PPM1L: variants seen among roughly 807,000 people sequenced by gnomAD.
PPM1L encodes the protein protein phosphatase, Mg2+/Mn2+ dependent 1L.
A neutral mutation model predicts 31.4 loss-of-function variants in PPM1L; 13 were observed. The ratio of observed to expected loss-of-function variants is 0.41; its 90% confidence interval spans 0.27 to 0.66. The LOEUF (loss-of-function observed/expected upper bound fraction) is 0.66. PPM1L is among the 30% of genes least tolerant of loss of function. The pLI is 0.29. For missense variants in PPM1L, 326 were observed against 453.7 expected (o/e 0.72, Z 2.56); for synonymous variants, 184 against 175.4 (o/e 1.05, Z -0.39).
At chr3:161,065,696 G>T in intron 3 of PPM1L, 132 bp downstream of exon 3, 2 of 671,682 alleles carry the variant, frequency 3.0e-6, no homozygotes, top group Non-Finnish European at 4.7e-6. Flanking sequence ...AACTGAGATT[G>T]ACTTTGTAAC....
intron 1 of PPM1L, among the ~76,000 whole-genome samples, chr3:160,836,344 AAG>A (rs973804151): frequency 1.4e-5 from 2 of 145,652 alleles, no homozygotes; most frequent in African/African-American, 5.2e-5. Flanking sequence ...GAGAGAGAGA[AAG>A]AGAGAGAGAG....
At chr3:160,861,325 TGATA>T (rs2108021892) in intron 1 of PPM1L, among the ~76,000 whole-genome samples, 1 of 152,336 alleles carries the variant, frequency 6.6e-6, no homozygotes, top group African/African-American at 2.4e-5. Context: ...CTGAAGATAC[TGATA>T]GCTTTAACAT....
chr3:160,812,517 T>C (rs1261454075), intron 1 of PPM1L, among the ~76,000 whole-genome samples: 1 of 152,220 alleles, frequency 6.6e-6, no homozygotes, highest in Admixed American at 6.5e-5. Flanking sequence ...TAGTCTTCTT[T>C]GTGCTTGCTG....
chr3:160,756,637 A>G lies in PPM1L; in HGVS notation c.329A>G (p.Glu110Gly), dbSNP rs1714812675. 6.2e-7 allele frequency: 1 copy of G among 1,613,972 alleles called. No homozygotes were observed. The change falls in exon 1 of 4, where the codon GAA (glutamate) becomes GGA (glycine). Residue 110 changes from glutamate to glycine, a missense_variant. Physicochemically the swap from Glu to Gly is moderately conservative, Grantham distance 98 (BLOSUM62 -2). Coordinates refer to ENST00000498165, the MANE Select transcript of PPM1L (RefSeq NM_139245.4). The surrounding 1 kb of genome is among the most constrained non-coding windows in gnomAD (Gnocchi z 6.2). ...AGAGACCACATGGAGGACCGCTTCG[A>G]AGTTCTCACGGATCTGGCCAACAAG... ...GRRDHMEDRFEVLTDLANKTH... is the reference protein window; with the variant it reads ...GRRDHMEDRFGVLTDLANKTH...
chr3:161,043,734 A>G (rs1718974526), intron 2 of PPM1L, among the ~76,000 whole-genome samples: 1 of 152,208 alleles, frequency 6.6e-6, no homozygotes, highest in African/African-American at 2.4e-5. Flanking sequence ...TCACTTTGCT[A>G]ACACTGAAGA....
At chr3:160,839,050 T>C (rs1416358681) in intron 1 of PPM1L, among the ~76,000 whole-genome samples, 6 of 152,212 alleles carry the variant, frequency 3.9e-5, no homozygotes, top group Non-Finnish European at 8.8e-5. Context: ...ACTTGCCTTC[T>C]CACCATGAGA....
At chr3:160,765,096 A>G (rs1437938419) in intron 1 of PPM1L, among the ~76,000 whole-genome samples, 2 of 152,218 alleles carry the variant, frequency 1.3e-5, no homozygotes, top group Admixed American at 6.5e-5. Context: ...AGTACTTTAC[A>G]TATGTTATCT....
At chr3:160,824,102 G>A (rs927611989) in intron 1 of PPM1L, among the ~76,000 whole-genome samples, 1 of 152,116 alleles carries the variant, frequency 6.6e-6, no homozygotes, top group Non-Finnish European at 1.5e-5. Flanking sequence ...CCAAGGTCAC[G>A]GTATTTGGAG....
intron 1 of PPM1L, among the ~76,000 whole-genome samples, chr3:160,840,236 A>G (rs1713830685): frequency 6.6e-6 from 1 of 152,204 alleles, no homozygotes; most frequent in African/African-American, 2.4e-5. Context: ...TTAAGAATAC[A>G]ATGAAATTGA....
At chr3:160,788,954 G>A (rs1293625615) in intron 1 of PPM1L, among the ~76,000 whole-genome samples, 1 of 151,636 alleles carries the variant, frequency 6.6e-6, no homozygotes, top group Non-Finnish European at 1.5e-5. Context: ...AATGTTCTGG[G>A]CTATTTTAAT....
intron 1 of PPM1L, among the ~76,000 whole-genome samples, chr3:160,873,794 C>A (rs4679917): frequency 0.74 from 112,837 of 151,928 alleles, 42,282 homozygotes; most frequent in Middle Eastern, 0.82. Context: ...CAATTCACCC[C>A]CCTCAGCCTC....
At chr3:160,911,401 C>G (rs567947092) in intron 1 of PPM1L, among the ~76,000 whole-genome samples, 2 of 152,296 alleles carry the variant, frequency 1.3e-5, no homozygotes, top group East Asian at 1.9e-4. Context: ...GCAGAGAGTT[C>G]TGCAGAGCAG....
chr3:160,943,648 T>A lies in PPM1L; in HGVS notation c.400-18088T>A, dbSNP rs530287119. Among the ~76,000 whole-genome samples, 8 of 152,350 alleles carry A rather than the reference T, an allele frequency of 5.3e-5. No homozygotes were observed. The South Asian group carries it at 1.4e-3, about 28-fold the overall frequency. ...TTATATGTAAAATTTTGTTTTGTAC[T>A]GCTCTTGAAGGAAAGATTTCAAACA... On this transcript the variant is annotated intron_variant, in intron 1 of 3. Coordinates refer to ENST00000498165, the MANE Select transcript of PPM1L (RefSeq NM_139245.4).
At chr3:160,971,186 G>A (rs1346384716) in intron 2 of PPM1L, among the ~76,000 whole-genome samples, 2 of 152,164 alleles carry the variant, frequency 1.3e-5, no homozygotes, top group African/African-American at 4.8e-5. Flanking sequence ...TTTTGTCTAT[G>A]GTGGGACGTT....
At chr3:161,035,836 C>G (rs1325049716) in intron 2 of PPM1L, 3 of 152,198 alleles carry the variant, frequency 2.0e-5, no homozygotes, top group Admixed American at 1.3e-4. Context: ...TTTTGCAGTG[C>G]TTTTCAGCAT....
At chr3:160,895,424 C>A (rs1485145379) in intron 1 of PPM1L, among the ~76,000 whole-genome samples, 3 of 151,970 alleles carry the variant, frequency 2.0e-5, no homozygotes, top group Non-Finnish European at 4.4e-5. Flanking sequence ...TGCTATATTG[C>A]CCAGGCTGGT....
intron 1 of PPM1L, among the ~76,000 whole-genome samples, chr3:160,786,313 G>A (rs1576637108): frequency 6.9e-6 from 1 of 145,380 alleles, no homozygotes; most frequent in East Asian, 2.1e-4. Flanking sequence ...TGCCTCTCGA[G>A]TTCAAGCGAT....
chr3:160,923,523 A>G (rs1025606491), intron 1 of PPM1L, among the ~76,000 whole-genome samples: 1 of 152,316 alleles, frequency 6.6e-6, no homozygotes, highest in East Asian at 1.9e-4. Context: ...CTGGTTTCTG[A>G]AATGGGCTCA....
intron 1 of PPM1L, among the ~76,000 whole-genome samples, chr3:160,923,381 C>G (rs892830575): frequency 1.3e-5 from 2 of 152,106 alleles, no homozygotes; most frequent in African/African-American, 2.4e-5. Flanking sequence ...TTCTGAAGAG[C>G]TTCATAAAAA....
Sources: allele counts gnomAD v4.1 joint callset (sites outside exome capture counted in the v4.1 genomes callset), GRCh38; gene constraint gnomAD v4.1.1; non-coding constraint Gnocchi (gnomAD v3.1); transcripts MANE v1.5; gene names NCBI Gene and HGNC (gene_info 2026-07-23, HGNC 2026-07-21).